Variants in GAS2 observed in about 807,000 individuals in gnomAD.
The protein encoded by GAS2 is growth arrest-specific protein 2.
A neutral mutation model predicts 37.5 loss-of-function variants in GAS2; 20 were observed. The observed-to-expected ratio is 0.53, with a 90% CI of 0.37 to 0.77. The LOEUF (loss-of-function observed/expected upper bound fraction) is 0.77, where lower values mean the gene tolerates loss of function less well. GAS2 is among the 30% of genes least tolerant of loss of function. The pLI is 0.00. For synonymous variants in GAS2, 144 were observed against 132.2 expected (o/e 1.09, Z -0.61); for missense variants, 336 against 373.4 (o/e 0.90, Z 0.82).
intron 4 of GAS2, among the ~76,000 whole-genome samples, chr11:22,727,073 T>C (rs1378957483): frequency 6.6e-6 from 1 of 152,074 alleles, no homozygotes; most frequent in Non-Finnish European, 1.5e-5. Flanking sequence ...TTCCAAATCA[T>C]AGAATGAGCT....
chr11:22,769,725 C>A (rs992577978), intron 7 of GAS2, among the ~76,000 whole-genome samples: 14 of 152,292 alleles, frequency 9.2e-5, no homozygotes, highest in Non-Finnish European at 1.8e-4. Flanking sequence ...CAACAAATTA[C>A]CTTTCAGATA....
chr11:22,744,771 T>C (rs1258896311), intron 5 of GAS2, among the ~76,000 whole-genome samples: 1 of 152,078 alleles, frequency 6.6e-6, no homozygotes, highest in African/African-American at 2.4e-5. Flanking sequence ...CCTACTCTCT[T>C]CACTCCTATT....
intron 7 of GAS2, among the ~76,000 whole-genome samples, chr11:22,772,679 T>C (rs1855043188): frequency 6.6e-6 from 1 of 152,188 alleles, no homozygotes. Flanking sequence ...CTAAAAATCA[T>C]GCAGAGTTCT....
intron 3 of GAS2, among the ~76,000 whole-genome samples, chr11:22,688,809 T>C (rs1850093792): frequency 6.6e-6 from 1 of 152,114 alleles, no homozygotes; most frequent in Admixed American, 6.6e-5. Context: ...AAAATACTTA[T>C]TATCATCTCA....
chr11:22,660,654 A>G (rs1484137656), intron 1 of GAS2, among the ~76,000 whole-genome samples: 1 of 152,214 alleles, frequency 6.6e-6, no homozygotes, highest in Non-Finnish European at 1.5e-5. Context: ...TTACTCTGCT[A>G]AATGTAGTGA....
intron 7 of GAS2, among the ~76,000 whole-genome samples, chr11:22,757,862 G>A (rs1230896478): frequency 1.3e-5 from 2 of 149,792 alleles, no homozygotes; most frequent in African/African-American, 4.8e-5. Flanking sequence ...CCCTGAAGGA[G>A]TAATATGATT....
intron 4 of GAS2, among the ~76,000 whole-genome samples, chr11:22,735,655 CATT>C (rs1852713990): frequency 6.6e-6 from 1 of 151,790 alleles, no homozygotes; most frequent in African/African-American, 2.4e-5. Flanking sequence ...ACAGCACTCA[CATT>C]ATTATTTTTC....
At chr11:22,642,364 C>A (rs1016543350) in intron 1 of GAS2, among the ~76,000 whole-genome samples, 6 of 152,084 alleles carry the variant, frequency 3.9e-5, no homozygotes, top group Admixed American at 3.3e-4. Flanking sequence ...TACATTTTCT[C>A]ATTTACGTGA....
intron 1 of GAS2, among the ~76,000 whole-genome samples, chr11:22,634,927 G>T (rs1039347531): frequency 1.3e-5 from 2 of 152,184 alleles, no homozygotes; most frequent in African/African-American, 4.8e-5. Context: ...AGACCTCCTG[G>T]TTAGCCAGAG....
chr11:22,659,001 T>C (rs1375979941), intron 1 of GAS2, among the ~76,000 whole-genome samples: 1 of 152,214 alleles, frequency 6.6e-6, no homozygotes, highest in Admixed American at 6.5e-5. Flanking sequence ...TGTTATTGCC[T>C]CTTTTTGGAA....
intron 1 of GAS2, among the ~76,000 whole-genome samples, chr11:22,656,014 A>C (rs1432720629): frequency 1.3e-5 from 2 of 152,218 alleles, no homozygotes; most frequent in Non-Finnish European, 2.9e-5. Flanking sequence ...TTACTAAAAA[A>C]TAAAAATATC....
In GAS2 at chr11:22,775,712, A is replaced by T. The variant is rs1590117357; in HGVS notation, c.723+19759A>T. 2.0e-5 allele frequency among the ~76,000 whole-genome samples: 3 copies of T among 152,208 alleles called. No homozygotes were observed. The South Asian group carries it at 6.2e-4, about 32-fold the overall frequency. ...CCTCCGGGTAATATCAATTGACAAG[A>T]GTCAAATAAATTAATAAAAAGCACA... On this transcript the variant is annotated intron_variant, in intron 7 of 7. Coordinates refer to ENST00000454584, the MANE Select transcript of GAS2 (RefSeq NM_001143830.3).
At chr11:22,745,071 C>A (rs1308789624) in intron 5 of GAS2, among the ~76,000 whole-genome samples, 1 of 139,384 alleles carries the variant, frequency 7.2e-6, no homozygotes, top group African/African-American at 2.6e-5. Flanking sequence ...CTGCAGCTGT[C>A]ATCTGTTATG....
intron 7 of GAS2, among the ~76,000 whole-genome samples, chr11:22,803,480 A>G (rs1564896040): frequency 6.6e-6 from 1 of 152,172 alleles, no homozygotes; most frequent in Non-Finnish European, 1.5e-5. Context: ...GTAACCAAGC[A>G]TGGGTGAAAA....
intron 3 of GAS2, 60 bp from the exon 4 acceptor site, chr11:22,726,232 A>T: frequency 6.6e-7 from 1 of 1,523,064 alleles, no homozygotes; most frequent in Non-Finnish European, 8.9e-7. Context: ...ACATGTTTTT[A>T]AAACATCATT....
intron 3 of GAS2, among the ~76,000 whole-genome samples, chr11:22,725,067 T>C (rs1289347845): frequency 1.3e-5 from 2 of 152,082 alleles, no homozygotes; most frequent in East Asian, 3.9e-4. Context: ...TGAGGCAAAG[T>C]CCTATGTAGC....
At chr11:22,710,436 A>G (rs1403345120) in intron 3 of GAS2, among the ~76,000 whole-genome samples, 1 of 152,006 alleles carries the variant, frequency 6.6e-6, no homozygotes, top group East Asian at 1.9e-4. Context: ...AACATGCAGA[A>G]TATTTGTTGG....
At chr11:22,692,158 G>C (rs1385815146) in intron 3 of GAS2, among the ~76,000 whole-genome samples, 1 of 152,132 alleles carries the variant, frequency 6.6e-6, no homozygotes, top group Admixed American at 6.6e-5. Context: ...ATTTGCAGAT[G>C]GGGGTGGGGG....
intron 7 of GAS2, among the ~76,000 whole-genome samples, chr11:22,778,891 A>AGG (rs971814774): frequency 6.6e-6 from 1 of 152,146 alleles, no homozygotes; most frequent in African/African-American, 2.4e-5. Context: ...CTTCTGTTGA[A>AGG]GGGGGATATA....
Sources: gnomAD v4.1 joint callset for allele counts (sites outside exome capture counted in the v4.1 genomes callset) on GRCh38, gnomAD v4.1.1 for gene constraint, MANE v1.5 for transcripts, NCBI Gene and HGNC (gene_info 2026-07-23, HGNC 2026-07-21) for gene names.